RHOBTB1: variants seen among roughly 807,000 people sequenced by gnomAD.
RHOBTB1 encodes the protein Rho related BTB domain containing 1.
Under a neutral mutation model 71.6 loss-of-function variants are expected in RHOBTB1, and 40 were observed. The observed-to-expected ratio is 0.56, with a 90% CI of 0.43 to 0.73. The LOEUF (loss-of-function observed/expected upper bound fraction) is 0.73, where lower values mean the gene tolerates loss of function less well. Ranked by LOEUF, RHOBTB1 falls within the 30% of genes least tolerant of loss-of-function variation. The pLI is 0.00. For missense variants in RHOBTB1, 797 were observed against 894.0 expected, an observed-to-expected ratio of 0.89 and a Z score of 1.38; for synonymous variants, 319 against 334.9, an observed-to-expected ratio of 0.95 and a Z score of 0.52.
At chr10:60,909,472 G>A (rs1220691149) in intron 4 of RHOBTB1, among the ~76,000 whole-genome samples, 1 of 152,054 alleles carries the variant, frequency 6.6e-6, no homozygotes, top group Non-Finnish European at 1.5e-5. Flanking sequence ...CACTGTTTTA[G>A]AAGTGGGGAT....
intron 2 of RHOBTB1, among the ~76,000 whole-genome samples, chr10:60,974,384 T>A (rs1308055823): frequency 6.6e-6 from 1 of 152,026 alleles, no homozygotes; most frequent in Non-Finnish European, 1.5e-5. Flanking sequence ...ATAACTATAG[T>A]TTCTCTTTGT....
At position 60,871,381 on chromosome 10, in the gene RHOBTB1, A is replaced by G. The variant is rs1018472701; in HGVS notation, c.*101T>C. ...AAGATCAGTGCCCGAAACCTGAACTATGTCGTATCTCTAACAAGACGAATT... is the reference window on the plus strand; with the variant it reads ...AAGATCAGTGCCCGAAACCTGAACTGTGTCGTATCTCTAACAAGACGAATT... On this transcript the variant is annotated 3_prime_UTR_variant, in exon 11 of 11. Coordinates refer to ENST00000337910, the MANE Select transcript of RHOBTB1 (RefSeq NM_014836.5). 1.0e-5 allele frequency: 12 copies of G among 1,202,960 alleles called. No individual in the cohort carries two copies. The African/African-American group carries it at 1.5e-4, about 15-fold the overall frequency. 74.5% of individuals were successfully genotyped at this position (1,202,960 alleles called of 1,614,324 possible).
chr10:60,958,472 A>C (rs1565135811), intron 2 of RHOBTB1, among the ~76,000 whole-genome samples: 1 of 152,138 alleles, frequency 6.6e-6, no homozygotes, highest in Non-Finnish European at 1.5e-5. Context: ...ATAGGGCAAA[A>C]CTTGGAATTG....
intron 4 of RHOBTB1, among the ~76,000 whole-genome samples, chr10:60,899,781 T>A (rs2082326293): frequency 6.6e-6 from 1 of 152,214 alleles, no homozygotes; most frequent in African/African-American, 2.4e-5. Context: ...ATGTTCACAT[T>A]CTAGTGAAGA....
intron 2 of RHOBTB1, among the ~76,000 whole-genome samples, chr10:60,973,877 T>G (rs1405143338): frequency 1.3e-5 from 2 of 152,030 alleles, no homozygotes; most frequent in Non-Finnish European, 2.9e-5. Flanking sequence ...GTGATACAAT[T>G]TTATCTTTGA....
At chr10:60,943,778 C>A (rs2085060131) in intron 1 of RHOBTB1, among the ~76,000 whole-genome samples, 193 bp downstream of exon 1, 1 of 151,926 alleles carries the variant, frequency 6.6e-6, no homozygotes, top group Non-Finnish European at 1.5e-5. Flanking sequence ...ATGGGAGGGT[C>A]CCCGGCCTCT....
At chr10:60,861,869 C>T in the RHOBTB1 span, among the ~76,000 whole-genome samples, 2 of 152,180 alleles carry the variant, frequency 1.3e-5, no homozygotes, top group Non-Finnish European at 2.9e-5. Context: ...TCAATAAAAC[C>T]ATTTTATTCC....
At chr10:60,940,344 C>G (rs767147300) in intron 2 of RHOBTB1, among the ~76,000 whole-genome samples, 1 of 151,932 alleles carries the variant, frequency 6.6e-6, no homozygotes, top group Non-Finnish European at 1.5e-5. Context: ...AATTACTCTA[C>G]GAAAAGAAAG....
chr10:60,952,395 C>T lies in RHOBTB1; in HGVS notation c.-61-10541G>A, dbSNP rs947425986. 7.2e-5 allele frequency among the ~76,000 whole-genome samples: 11 copies of T among 152,262 alleles called. No individual in the cohort carries two copies. The South Asian group carries it at 2.1e-3, about 29-fold the overall frequency. On this transcript the variant is annotated intron_variant, in intron 2 of 11. Transcript: ENST00000357917. ...TTTAAGCTGTAATAATACTAATTAG[C>T]ACTTAGTAAGTACCCACTATGTGTT...
intron 1 of RHOBTB1, among the ~76,000 whole-genome samples, chr10:60,998,857 T>C (rs562895717): frequency 1.3e-5 from 2 of 152,338 alleles, no homozygotes; most frequent in African/African-American, 4.8e-5. Context: ...GAACTCTTCT[T>C]AGAGACTGCA....
intron 2 of RHOBTB1, among the ~76,000 whole-genome samples, chr10:60,917,771 C>T (rs923225860): frequency 8.5e-5 from 13 of 152,054 alleles, no homozygotes; most frequent in Non-Finnish European, 1.5e-4. Context: ...TATCTCTGTG[C>T]CTATACACAC....
intron 2 of RHOBTB1, among the ~76,000 whole-genome samples, chr10:60,974,997 G>GT (rs1589444611): frequency 6.6e-6 from 1 of 152,020 alleles, no homozygotes; most frequent in African/African-American, 2.4e-5. Flanking sequence ...GCTGAGAGCT[G>GT]TATGATCTTA....
chr10:60,892,787 A>T, intron 5 of RHOBTB1, 23 bp downstream of exon 5: 1 of 1,602,174 alleles, frequency 6.2e-7, no homozygotes, highest in Non-Finnish European at 8.5e-7. Context: ...CAGGACAGGG[A>T]AACACTGAGT....
intron 2 of RHOBTB1, among the ~76,000 whole-genome samples, chr10:60,985,327 GATT>G (rs768530657): frequency 1.3e-5 from 2 of 152,114 alleles, no homozygotes; most frequent in African/African-American, 2.4e-5. Flanking sequence ...TTCAAAAGCT[GATT>G]TTACTCACTT....
At chr10:60,979,316 T>C (rs1482559537) in intron 2 of RHOBTB1, among the ~76,000 whole-genome samples, 1 of 152,112 alleles carries the variant, frequency 6.6e-6, no homozygotes, top group Non-Finnish European at 1.5e-5. Context: ...TCTTGCCCAA[T>C]AGGAAAAATA....
chr10:60,995,803 C>G (rs2087027669), intron 1 of RHOBTB1, among the ~76,000 whole-genome samples: 1 of 151,860 alleles, frequency 6.6e-6, no homozygotes, highest in Non-Finnish European at 1.5e-5. Context: ...ATATTCAAAT[C>G]CAGAAATCAA....
chr10:60,911,755 G>A (rs1340316980), intron 2 of RHOBTB1, among the ~76,000 whole-genome samples: 2 of 152,198 alleles, frequency 1.3e-5, no homozygotes, highest in East Asian at 1.9e-4. Flanking sequence ...ACAAAAACAT[G>A]GGACTGTTAT....
chr10:60,998,169 A>C (rs1276115448), intron 1 of RHOBTB1, among the ~76,000 whole-genome samples: 1 of 152,118 alleles, frequency 6.6e-6, no homozygotes, highest in Non-Finnish European at 1.5e-5. Context: ...TGGTACTCAG[A>C]TCTCCATTCA....
upstream of RHOBTB1, among the ~76,000 whole-genome samples, chr10:60,946,694 C>T (rs2085249554): frequency 6.6e-6 from 1 of 152,162 alleles, no homozygotes; most frequent in African/African-American, 2.4e-5. Context: ...AGTTCAGTGT[C>T]ATGCTTCTCT....
Sources: allele counts gnomAD v4.1 joint callset (sites outside exome capture counted in the v4.1 genomes callset), GRCh38; gene constraint gnomAD v4.1.1; transcripts MANE v1.5; gene names NCBI Gene and HGNC (gene_info 2026-07-23, HGNC 2026-07-21).